Variants in RALGPS1 observed in about 807,000 individuals in gnomAD.
The protein encoded by RALGPS1 is Ral GEF with PH domain and SH3 binding motif 1.
Under a neutral mutation model 78.8 loss-of-function variants are expected in RALGPS1, and 19 were observed. That is an observed-to-expected ratio of 0.24 (90% CI 0.17 to 0.35). The LOEUF is 0.35. Among genes scored for constraint, RALGPS1 ranks in the 10% least tolerant of loss-of-function variants. The pLI, the probability that RALGPS1 is intolerant of heterozygous loss-of-function variation, is 1.00. For missense variants in RALGPS1, 454 were observed against 688.3 expected (o/e 0.66, Z 3.81); for synonymous variants, 228 against 256.3 (o/e 0.89, Z 1.06).
At chr9:126,976,908 G>C (rs1653933047) in intron 3 of RALGPS1, among the ~76,000 whole-genome samples, 1 of 152,230 alleles carries the variant, frequency 6.6e-6, no homozygotes, top group African/African-American at 2.4e-5. Context: ...ACTGTCACCA[G>C]ATGAGGTTCT....
At chr9:127,141,302 C>A (rs937425654) in intron 8 of RALGPS1, among the ~76,000 whole-genome samples, 4 of 152,156 alleles carry the variant, frequency 2.6e-5, no homozygotes, top group African/African-American at 9.7e-5. Context: ...GAAGTAAATT[C>A]AAGTTTGAGA....
At chr9:127,077,551 C>T (rs1466398211) in intron 8 of RALGPS1, among the ~76,000 whole-genome samples, 1 of 152,188 alleles carries the variant, frequency 6.6e-6, no homozygotes, top group Non-Finnish European at 1.5e-5. Context: ...GCCGTTGCCC[C>T]CTTGATGGGG....
chr9:127,072,721 G>A (rs931566474), intron 8 of RALGPS1, among the ~76,000 whole-genome samples: 1 of 152,092 alleles, frequency 6.6e-6, no homozygotes, highest in African/African-American at 2.4e-5. Flanking sequence ...TGACAACTTG[G>A]TCTATCCAGA....
chr9:127,144,485 CAG>C (rs2057981836), intron 8 of RALGPS1, among the ~76,000 whole-genome samples: 1 of 152,160 alleles, frequency 6.6e-6, no homozygotes, highest in Non-Finnish European at 1.5e-5. Context: ...TAGTGTGACC[CAG>C]CAATTGTACT....
intron 4 of RALGPS1, among the ~76,000 whole-genome samples, chr9:127,004,758 C>T (rs1335513234): frequency 6.6e-6 from 1 of 152,130 alleles, no homozygotes; most frequent in East Asian, 1.9e-4. Context: ...CATAAGCAGA[C>T]ATTTAGCCTG....
intron 18 of RALGPS1, among the ~76,000 whole-genome samples, chr9:127,215,500 G>A (rs1051350279): frequency 6.6e-6 from 1 of 152,222 alleles, no homozygotes; most frequent in Admixed American, 6.5e-5. Flanking sequence ...TACTGTCTCC[G>A]TTTTATGCTG....
intron 1 of RALGPS1, among the ~76,000 whole-genome samples, chr9:126,954,324 C>G (rs185713044): frequency 6.6e-6 from 1 of 152,334 alleles, no homozygotes; most frequent in East Asian, 1.9e-4. Flanking sequence ...ATGCAACCTC[C>G]AGAACATCTC....
At chr9:127,052,986 T>C (rs1273201557) in intron 7 of RALGPS1, 47 bp downstream of exon 7, 1 of 1,293,200 alleles carries the variant, frequency 7.7e-7, no homozygotes, top group Non-Finnish European at 1.1e-6. Flanking sequence ...ATCATTTCAT[T>C]GGTGAAGTTC....
At chr9:126,980,533 G>T (rs1440589433) in intron 4 of RALGPS1, among the ~76,000 whole-genome samples, 1 of 152,208 alleles carries the variant, frequency 6.6e-6, no homozygotes, top group African/African-American at 2.4e-5. Context: ...GAGAACCAGG[G>T]ATGTAGTGAT....
At chr9:127,134,133 C>CGATGG (rs2057231093) in intron 8 of RALGPS1, among the ~76,000 whole-genome samples, 1 of 152,106 alleles carries the variant, frequency 6.6e-6, no homozygotes, top group African/African-American at 2.4e-5. Flanking sequence ...TGCCTGGCCA[C>CGATGG]GATGGGATGG....
intron 13 of RALGPS1, among the ~76,000 whole-genome samples, chr9:127,197,581 G>A (rs2061411697): frequency 6.6e-6 from 1 of 152,186 alleles, no homozygotes; most frequent in Non-Finnish European, 1.5e-5. Flanking sequence ...GTCTCAGAGG[G>A]CATGGGCAAT....
In RALGPS1 at chr9:127,168,895, G is replaced by A. The variant is rs190454151; in HGVS notation, c.842+123G>A. The A allele has an allele frequency of 8.5e-3, 6,354 of 750,270 alleles. 47 individuals carry two copies. The highest frequency in any genetic ancestry group is 0.011 in the Non-Finnish European group (4,547 of 429,020). 46.5% of individuals were successfully genotyped at this position (750,270 alleles called of 1,614,324 possible). On this transcript the variant is annotated intron_variant, in intron 10 of 18. Transcript: ENST00000259351. Reference sequence around the variant, plus strand: ...GAGTAGCCACCTGCAGGGCTTATCAGAGTCCACAGCAGTAGCGCCCAGGCC... The same window carrying A: ...GAGTAGCCACCTGCAGGGCTTATCAAAGTCCACAGCAGTAGCGCCCAGGCC...
chr9:127,185,700 T>C (rs112303529), intron 11 of RALGPS1, among the ~76,000 whole-genome samples: 16 of 152,192 alleles, frequency 1.1e-4, no homozygotes, highest in African/African-American at 3.1e-4. Flanking sequence ...TATTTATTAT[T>C]ATTATTCTCA....
intron 4 of RALGPS1, among the ~76,000 whole-genome samples, chr9:126,980,855 T>G (rs1239806109): frequency 6.6e-6 from 1 of 152,156 alleles, no homozygotes; most frequent in Admixed American, 6.5e-5. Context: ...TTTTACCTCT[T>G]TTGATGTGGA....
At chr9:127,210,707 C>T in intron 14 of RALGPS1, 3 of 1,550,618 alleles carry the variant, frequency 1.9e-6, no homozygotes, top group Non-Finnish European at 2.6e-6. Flanking sequence ...GGGGACGTCT[C>T]TATGCCACCC....
In RALGPS1 at chr9:127,005,828, G is replaced by A. The variant is rs1157100883; in HGVS notation, c.216+28083G>A. Among the ~76,000 whole-genome samples the A allele has an allele frequency of 3.3e-5, 5 of 152,176 alleles. No individual in the cohort carries two copies. The South Asian group carries it at 1.0e-3, about 32-fold the overall frequency. On this transcript the variant is annotated intron_variant, in intron 4 of 18. Coordinates refer to ENST00000259351, the MANE Select transcript of RALGPS1 (RefSeq NM_014636.3). Reference sequence around the variant, plus strand: ...TCACCATTATAGATGTTGCTGAAAAGTGGGCATTTTTAGCCACTCTGCCTT... The same window carrying A: ...TCACCATTATAGATGTTGCTGAAAAATGGGCATTTTTAGCCACTCTGCCTT...
At chr9:126,964,392 T>C in intron 2 of RALGPS1, among the ~76,000 whole-genome samples, 1 of 147,070 alleles carries the variant, frequency 6.8e-6, no homozygotes, top group East Asian at 2.0e-4. Context: ...AAAAAAGCCA[T>C]GCCTGAGCTC....
In RALGPS1 at chr9:126,962,352, G is replaced by C; in HGVS notation, c.57+6G>C. 2 of 1,613,990 alleles carry C rather than the reference G, an allele frequency of 1.2e-6. No individual in the cohort carries two copies. Among genetic ancestry groups the C allele is most frequent in the Non-Finnish European group, 1.7e-6 (2 of 1,179,914 alleles). Reference sequence around the variant, plus strand: ...TCACCTCTGCCACTCCACAGGTACTGAGGCTGCAAGAATCGGGACAGTGGG... The same window carrying C: ...TCACCTCTGCCACTCCACAGGTACTCAGGCTGCAAGAATCGGGACAGTGGG... On this transcript the variant is annotated splice_donor_region_variant and intron_variant, in intron 2 of 18. Coordinates refer to ENST00000259351, the MANE Select transcript of RALGPS1 (RefSeq NM_014636.3).
intron 8 of RALGPS1, among the ~76,000 whole-genome samples, chr9:127,116,711 G>A (rs2055462663): frequency 6.6e-6 from 1 of 152,216 alleles, no homozygotes; most frequent in South Asian, 2.1e-4. Flanking sequence ...TGGCACCAGG[G>A]CCACCTTGGC....
Sources: allele counts gnomAD v4.1 joint callset (sites outside exome capture counted in the v4.1 genomes callset), GRCh38; gene constraint gnomAD v4.1.1; transcripts MANE v1.5; gene names NCBI Gene and HGNC (gene_info 2026-07-23, HGNC 2026-07-21).